ASIC2: variants seen among roughly 807,000 people sequenced by gnomAD.
The protein encoded by ASIC2 is acid-sensing ion channel 2.
A neutral mutation model predicts 57.3 loss-of-function variants in ASIC2; 25 were observed. That is an observed-to-expected ratio of 0.44 (90% confidence interval 0.32 to 0.61). The LOEUF (loss-of-function observed/expected upper bound fraction) is 0.61. Ranked by LOEUF, ASIC2 falls within the 20% of genes least tolerant of loss-of-function variation. The pLI, the probability that ASIC2 is intolerant of heterozygous loss-of-function variation, is 0.06. For synonymous variants in ASIC2, 319 were observed against 307.5 expected, an observed-to-expected ratio of 1.04 and a Z score of -0.39; for missense variants, 641 against 738.1, an observed-to-expected ratio of 0.87 and a Z score of 1.52.
At chr17:33,445,825 AGAT>A (rs1911998265) in intron 1 of ASIC2, among the ~76,000 whole-genome samples, 1 of 151,092 alleles carries the variant, frequency 6.6e-6, no homozygotes, top group Non-Finnish European at 1.5e-5. Flanking sequence ...AATGGGGATC[AGAT>A]GATCTATTCT....
chr17:33,623,236 G>A (rs543666071), intron 1 of ASIC2, among the ~76,000 whole-genome samples: 214 of 129,294 alleles, frequency 1.7e-3, no homozygotes, highest in South Asian at 0.011. Flanking sequence ...TTGTGATATC[G>A]TTTTTTTTTG....
In ASIC2 at chr17:33,305,263, T is replaced by C. The variant is rs1906122417; in HGVS notation, c.556-193196A>G. 2.0e-5 allele frequency among the ~76,000 whole-genome samples: 3 copies of C among 152,304 alleles called. No individual in the cohort carries two copies. In the South Asian group the frequency reaches 6.2e-4, roughly 32 times the overall value. ...AGATTAAACGCAGATTTTGCTGATA[T>C]CAAATCCTCTTCCCCCGGCCTCCTG... On this transcript the variant is annotated intron_variant, in intron 1 of 9. Coordinates refer to the ASIC2 transcript ENST00000359872.
intron 1 of ASIC2, among the ~76,000 whole-genome samples, chr17:33,943,681 A>G (rs1916242396): frequency 7.0e-6 from 1 of 143,756 alleles, no homozygotes; most frequent in African/African-American, 2.6e-5. Context: ...ACATTCATTG[A>G]ATGATAATAG....
intron 1 of ASIC2, among the ~76,000 whole-genome samples, chr17:33,804,909 G>C (rs935028543): frequency 6.6e-6 from 1 of 151,282 alleles, no homozygotes; most frequent in East Asian, 1.9e-4. Flanking sequence ...AATTAACTCA[G>C]GTCATAAATG....
intron 1 of ASIC2, among the ~76,000 whole-genome samples, chr17:34,069,028 A>G (rs1909279849): frequency 6.6e-6 from 1 of 152,224 alleles, no homozygotes. Context: ...GATGTGCTGA[A>G]GCTGGCTCCC....
intron 1 of ASIC2, among the ~76,000 whole-genome samples, chr17:33,578,535 T>C (rs1028122914): frequency 3.3e-5 from 5 of 152,152 alleles, no homozygotes; most frequent in African/African-American, 7.2e-5. Flanking sequence ...ATAGACAAAA[T>C]GGCTAAGGGA....
At chr17:33,043,331 G>A (rs2091937298) in intron 3 of ASIC2, among the ~76,000 whole-genome samples, 1 of 152,236 alleles carries the variant, frequency 6.6e-6, no homozygotes, top group Non-Finnish European at 1.5e-5. Context: ...GCTACTGGCT[G>A]GGGGTCAGGG....
chr17:33,823,915 A>C (rs1429739168), intron 1 of ASIC2, among the ~76,000 whole-genome samples: 2 of 152,136 alleles, frequency 1.3e-5, no homozygotes, highest in Non-Finnish European at 2.9e-5. Context: ...TATTCTATGG[A>C]TGTGCCATTC....
chr17:33,161,618 G>T (rs1905161707), intron 1 of ASIC2, among the ~76,000 whole-genome samples: 1 of 152,110 alleles, frequency 6.6e-6, no homozygotes, highest in Non-Finnish European at 1.5e-5. Context: ...CTCTTTGAGG[G>T]CTGGGATTCT....
chr17:33,735,959 G>C (rs562592343), intron 1 of ASIC2, among the ~76,000 whole-genome samples: 34 of 152,198 alleles, frequency 2.2e-4, no homozygotes, highest in African/African-American at 7.9e-4. Flanking sequence ...ATAAATAAAT[G>C]AACGGCTTCA....
At chr17:34,060,251 A>G (rs1444329448) in intron 1 of ASIC2, among the ~76,000 whole-genome samples, 1 of 152,204 alleles carries the variant, frequency 6.6e-6, no homozygotes, top group Non-Finnish European at 1.5e-5. Flanking sequence ...GACAACCATC[A>G]CTTCAGTTCT....
intron 1 of ASIC2, among the ~76,000 whole-genome samples, chr17:33,918,366 T>C (rs183291495): frequency 6.6e-6 from 1 of 152,338 alleles, no homozygotes; most frequent in African/African-American, 2.4e-5. Context: ...AAGTCTCTTA[T>C]TGTTTTATTT....
At chr17:33,703,514 G>A (rs758143943) in intron 1 of ASIC2, among the ~76,000 whole-genome samples, 7 of 151,884 alleles carry the variant, frequency 4.6e-5, no homozygotes, top group Non-Finnish European at 8.8e-5. Flanking sequence ...CACCATGCCC[G>A]ACTAATTTCT....
At chr17:33,922,519 G>A (rs1915728741) in intron 1 of ASIC2, among the ~76,000 whole-genome samples, 1 of 152,176 alleles carries the variant, frequency 6.6e-6, no homozygotes, top group Non-Finnish European at 1.5e-5. Context: ...CTGTTCTCAA[G>A]GAGCGAACGT....
intron 1 of ASIC2, among the ~76,000 whole-genome samples, chr17:33,834,898 T>G (rs909072165): frequency 6.6e-6 from 1 of 152,146 alleles, no homozygotes; most frequent in Non-Finnish European, 1.5e-5. Flanking sequence ...TTTGGAGGAC[T>G]ACACCTAGGA....
At chr17:33,915,592 T>A (rs1915566159) in intron 1 of ASIC2, among the ~76,000 whole-genome samples, 1 of 152,206 alleles carries the variant, frequency 6.6e-6, no homozygotes, top group African/African-American at 2.4e-5. Flanking sequence ...ATCTATTGGC[T>A]CTTAATCACA....
At chr17:33,744,682 A>G (rs1910209987) in intron 1 of ASIC2, among the ~76,000 whole-genome samples, 1 of 152,224 alleles carries the variant, frequency 6.6e-6, no homozygotes, top group Non-Finnish European at 1.5e-5. Flanking sequence ...TGTGACCCAT[A>G]TACAAGAAAA....
intron 1 of ASIC2, among the ~76,000 whole-genome samples, chr17:34,099,427 GA>G (rs1910727191): frequency 8.2e-6 from 1 of 122,524 alleles, no homozygotes; most frequent in African/African-American, 3.3e-5. Flanking sequence ...AAGAATGAAA[GA>G]AAGAAGAAAA....
chr17:33,331,948 G>A (rs1907329408), intron 1 of ASIC2, among the ~76,000 whole-genome samples: 2 of 152,174 alleles, frequency 1.3e-5, no homozygotes, highest in African/African-American at 2.4e-5. Context: ...TTGAAAAATA[G>A]GACATCATAC....
Sources: allele counts gnomAD v4.1 joint callset (sites outside exome capture counted in the v4.1 genomes callset), GRCh38; gene constraint gnomAD v4.1.1; transcripts MANE v1.5; gene names NCBI Gene and HGNC (gene_info 2026-07-23, HGNC 2026-07-21).